Variants in KLRF2 observed in about 807,000 individuals in gnomAD.
The protein encoded by KLRF2 is killer cell lectin-like receptor subfamily F member 2.
Under a neutral mutation model 25.3 loss-of-function variants are expected in KLRF2, and 28 were observed. The observed-to-expected ratio is 1.11, with a 90% CI of 0.82 to 1.52. The LOEUF is 1.52. Ranked by LOEUF, KLRF2 falls within the 40% of genes most tolerant of loss-of-function variation. The pLI is 0.00. For synonymous variants in KLRF2, 73 were observed against 85.0 expected (o/e 0.86, Z 0.78); for missense variants, 265 against 245.8 (o/e 1.08, Z -0.52).
At chr12:9,890,778 G>A (rs963228300) in intron 3 of KLRF2, among the ~76,000 whole-genome samples, 6 of 152,016 alleles carry the variant, frequency 3.9e-5, no homozygotes, top group Admixed American at 2.6e-4. Context: ...GTGATATTTC[G>A]TCATATTCAC....
At chr12:9,886,690 C>T (rs1355646365) in intron 2 of KLRF2, among the ~76,000 whole-genome samples, 1 of 151,132 alleles carries the variant, frequency 6.6e-6, no homozygotes, top group African/African-American at 2.4e-5. Context: ...ACTTTCTAAG[C>T]CATGCTCTTT....
Position 9,885,033 on chromosome 12 carries a change from G to T in KLRF2, c.169+1G>T, listed in dbSNP as rs1251313663. On this transcript the variant is annotated splice_donor_variant, in intron 2 of 5. Transcript: ENST00000535540. LOFTEE classifies it high-confidence loss of function. ...ACAGGGATTGACCTGAAGTTCTGGCGTGAGTAGTAAATTTTTATTTATTTG... is the reference window on the plus strand; with the variant it reads ...ACAGGGATTGACCTGAAGTTCTGGCTTGAGTAGTAAATTTTTATTTATTTG... 14 of 1,189,542 alleles carry T rather than the reference G, an allele frequency of 1.2e-5. No homozygotes were observed. The highest frequency in any genetic ancestry group is 1.5e-5 in the Non-Finnish European group (14 of 927,142). 73.7% of individuals were successfully genotyped at this position (1,189,542 alleles called of 1,614,324 possible).
intron 3 of KLRF2, among the ~76,000 whole-genome samples, chr12:9,891,583 G>A (rs1259934394): frequency 6.6e-6 from 1 of 152,114 alleles, no homozygotes; most frequent in Non-Finnish European, 1.5e-5. Context: ...AACTTGGGAG[G>A]TATATGAGAG....
chr12:9,881,720 G>A, intron 1 of KLRF2, 55 bp downstream of exon 1: 1 of 1,211,860 alleles, frequency 8.3e-7, no homozygotes, highest in Non-Finnish European at 1.2e-6. Flanking sequence ...CTTCTAGGAA[G>A]AGAATTATCT....
At chr12:9,886,167 T>G (rs1479611357) in intron 2 of KLRF2, among the ~76,000 whole-genome samples, 1 of 152,188 alleles carries the variant, frequency 6.6e-6, no homozygotes, top group African/African-American at 2.4e-5. Context: ...AAAATATTTT[T>G]TTCTAGCCAT....
chr12:9,887,825 G>C (rs190114225), intron 2 of KLRF2, among the ~76,000 whole-genome samples: 1 of 151,550 alleles, frequency 6.6e-6, no homozygotes, highest in Admixed American at 6.6e-5. Context: ...GCCAAGGCAG[G>C]TGGAGCGCTT....
intron 1 of KLRF2, among the ~76,000 whole-genome samples, chr12:9,882,214 G>T (rs555445952): frequency 7.9e-5 from 12 of 152,130 alleles, no homozygotes; most frequent in South Asian, 4.1e-4. Flanking sequence ...AAATAGCCAA[G>T]ACCTAAGTTA....
intron 2 of KLRF2, among the ~76,000 whole-genome samples, chr12:9,887,760 A>G (rs1332574525): frequency 6.6e-6 from 1 of 151,702 alleles, no homozygotes; most frequent in Non-Finnish European, 1.5e-5. Context: ...ACAAGGGAAA[A>G]TAAGATCAAG....
At chr12:9,890,304 T>C (rs1040079281) in intron 3 of KLRF2, among the ~76,000 whole-genome samples, 7 of 152,160 alleles carry the variant, frequency 4.6e-5, no homozygotes, top group Middle Eastern at 3.2e-3. Context: ...TTCCCACGAG[T>C]TGGGAGTCAG....
At chr12:9,895,350 G>T (rs1862744975) in intron 5 of KLRF2, among the ~76,000 whole-genome samples, 1 of 152,176 alleles carries the variant, frequency 6.6e-6, no homozygotes, top group Non-Finnish European at 1.5e-5. Context: ...GAGAGATAAT[G>T]GTAGCTTGAG....
At chr12:9,889,218 T>G (rs935404831) in intron 3 of KLRF2, among the ~76,000 whole-genome samples, 5 of 152,166 alleles carry the variant, frequency 3.3e-5, no homozygotes, top group African/African-American at 1.2e-4. Flanking sequence ...AACTTTCAAA[T>G]GAGGATATTA....
intron 1 of KLRF2, among the ~76,000 whole-genome samples, chr12:9,884,189 A>G (rs1263646737): frequency 6.6e-6 from 1 of 152,096 alleles, no homozygotes; most frequent in African/African-American, 2.4e-5. Context: ...ATTATTATAC[A>G]TGCCCCTGTT....
At chr12:9,881,715 AG>A (rs1469201761) in intron 1 of KLRF2, 50 bp downstream of exon 1, 5 of 1,250,032 alleles carry the variant, frequency 4.0e-6, no homozygotes, top group South Asian at 2.6e-5. Context: ...TTATTCTTCT[AG>A]GAAGAGAATT....
chr12:9,888,473 G>C (rs867405525), intron 2 of KLRF2, among the ~76,000 whole-genome samples: 1 of 151,526 alleles, frequency 6.6e-6, no homozygotes, highest in Non-Finnish European at 1.5e-5. Context: ...CTGGGCAACA[G>C]AGTGAGACTC....
chr12:9,885,295 T>C (rs1412153807), intron 2 of KLRF2, among the ~76,000 whole-genome samples: 1 of 150,236 alleles, frequency 6.7e-6, no homozygotes, highest in Non-Finnish European at 1.5e-5. Flanking sequence ...TAAAAGAGTA[T>C]GTGCTCATTG....
At chr12:9,892,870 CA>C in intron 3 of KLRF2, 149 bp from the exon 4 acceptor site, 1 of 571,594 alleles carries the variant, frequency 1.7e-6, no homozygotes, top group East Asian at 3.2e-5. Context: ...AGGCGTGAGC[CA>C]CCGCGCCTGG....
chr12:9,893,455 T>C lies in KLRF2; in HGVS notation c.393T>C (p.Pro131=), dbSNP rs1271891374. Reference sequence around the variant, plus strand: ...AGTTCATACAGAACAGTTTAAAACCTGGACATTTTGGTTGGATTGGACTAT... The same window carrying C: ...AGTTCATACAGAACAGTTTAAAACCCGGACATTTTGGTTGGATTGGACTAT... ...ELEFIQNSLK[P]GHFGWIGLYV... Residue 131 remains proline (P), a synonymous_variant, in exon 5 of 6, where the codon CCT becomes CCC. Transcript: ENST00000535540. The C allele has an allele frequency of 1.4e-5, 21 of 1,499,036 alleles. No homozygotes were observed. The highest frequency in any genetic ancestry group is 1.6e-5 in the Non-Finnish European group (18 of 1,115,102). The allele number at this position is 1,499,036 out of a possible 1,614,324, so 92.9% of individuals were successfully genotyped here.
chr12:9,895,277 A>G (rs1862743862), intron 5 of KLRF2, among the ~76,000 whole-genome samples: 1 of 152,246 alleles, frequency 6.6e-6, no homozygotes, highest in African/African-American at 2.4e-5. Flanking sequence ...GTGGAGAATT[A>G]ATAGATAGGA....
At chr12:9,887,394 T>A (rs1211998912) in intron 2 of KLRF2, among the ~76,000 whole-genome samples, 1 of 152,176 alleles carries the variant, frequency 6.6e-6, no homozygotes, top group Non-Finnish European at 1.5e-5. Flanking sequence ...CAAATTAGCA[T>A]CAGATTTTTA....
Sources: allele counts gnomAD v4.1 joint callset (sites outside exome capture counted in the v4.1 genomes callset), GRCh38; gene constraint gnomAD v4.1.1; transcripts MANE v1.5; gene names NCBI Gene and HGNC (gene_info 2026-07-23, HGNC 2026-07-21).